The following ELP3 variants were observed in gnomAD, a reference collection of about 807,000 sequenced individuals.
ELP3 encodes the protein elongator acetyltransferase complex subunit 3, also known as elongator complex protein 3.
Under a neutral mutation model 74.9 loss-of-function variants are expected in ELP3, and 56 were observed. The observed-to-expected ratio is 0.75, with a 90% confidence interval of 0.60 to 0.93. The LOEUF (loss-of-function observed/expected upper bound fraction) is 0.93. Among genes scored for constraint, ELP3 ranks in the 40% least tolerant of loss-of-function variants. ELP3 has a pLI of 0.00. For missense variants in ELP3, 573 were observed against 686.5 expected (o/e 0.83, Z 1.85); for synonymous variants, 222 against 239.8 (o/e 0.93, Z 0.68).
At chr8:28,129,325 C>G (rs1239758864) in intron 7 of ELP3, 177 bp from the exon 8 acceptor site, 1 of 608,456 alleles carries the variant, frequency 1.6e-6, no homozygotes, top group Non-Finnish European at 2.9e-6. Flanking sequence ...TAATAGCATC[C>G]CCATGTGCAT....
intron 7 of ELP3, among the ~76,000 whole-genome samples, chr8:28,123,788 G>A (rs925552020): frequency 5.3e-5 from 8 of 151,448 alleles, no homozygotes; most frequent in Non-Finnish European, 1.0e-4. Flanking sequence ...ATGTCCTTCC[G>A]CATCCCTGGT....
intron 10 of ELP3, among the ~76,000 whole-genome samples, chr8:28,154,316 A>G (rs761701359): frequency 9.2e-5 from 14 of 152,206 alleles, no homozygotes; most frequent in Non-Finnish European, 1.5e-4. Context: ...ACAATGCTTT[A>G]GTATTCACTA....
chr8:28,183,056 C>T, intron 14 of ELP3: 6 of 446,794 alleles, frequency 1.3e-5, no homozygotes, highest in South Asian at 9.6e-5. Context: ...CAAGCAGTGT[C>T]CTCTGCCTTT....
intron 7 of ELP3, among the ~76,000 whole-genome samples, chr8:28,117,426 T>G (rs187736288): frequency 1.3e-5 from 2 of 152,310 alleles, no homozygotes; most frequent in African/African-American, 2.4e-5. Flanking sequence ...GATCATGATG[T>G]GTTTGTAGAA....
intron 7 of ELP3, among the ~76,000 whole-genome samples, chr8:28,126,703 A>G (rs1812590986): frequency 6.6e-6 from 1 of 152,206 alleles, no homozygotes; most frequent in African/African-American, 2.4e-5. Context: ...TAAATGATAC[A>G]GGGGGATCAT....
intron 5 of ELP3, 112 bp downstream of exon 5, chr8:28,108,088 T>G (rs1284831352): frequency 4.4e-6 from 4 of 901,552 alleles, no homozygotes; most frequent in Non-Finnish European, 6.7e-6. Flanking sequence ...TTTGTTTTTT[T>G]CTGATTTTAA....
In ELP3 at chr8:28,174,234, C is replaced by T. The variant is rs757754768; in HGVS notation, c.1567+12156C>T. Among the ~76,000 whole-genome samples the T allele has an allele frequency of 5.3e-5, 8 of 151,874 alleles. 1 individual carries two copies. The highest frequency in any genetic ancestry group is 3.9e-4 in the Admixed American group (6 of 15,270). On this transcript the variant is annotated intron_variant, in intron 14 of 14. Coordinates refer to ENST00000256398, the MANE Select transcript of ELP3 (RefSeq NM_018091.6). Reference sequence around the variant, plus strand: ...TTAATGTAGAACTATTTATTTCTCCCTTAAGTCCTGTCAAGTTTTGCTTCA... The same window carrying T: ...TTAATGTAGAACTATTTATTTCTCCTTTAAGTCCTGTCAAGTTTTGCTTCA...
At chr8:28,097,980 C>G (rs766686343) in intron 2 of ELP3, among the ~76,000 whole-genome samples, 12 of 152,166 alleles carry the variant, frequency 7.9e-5, no homozygotes, top group Non-Finnish European at 1.6e-4. Context: ...AGCCCATGTT[C>G]TTCTGTGCTG....
intron 3 of ELP3, among the ~76,000 whole-genome samples, chr8:28,103,039 G>A (rs928414518): frequency 1.1e-4 from 16 of 151,878 alleles, no homozygotes; most frequent in Admixed American, 3.3e-4. Flanking sequence ...GCATGGTGGC[G>A]GGCGCCTGTA....
At chr8:28,137,668 G>C in intron 9 of ELP3, 30 bp from the exon 10 acceptor site, 4 of 1,602,154 alleles carry the variant, frequency 2.5e-6, no homozygotes, top group Non-Finnish European at 1.7e-6. Flanking sequence ...ATAACTAATG[G>C]AGAAGTCATT....
Position 28,107,959 on chromosome 8 carries a change from T to G in ELP3, c.376T>G (p.Ser126Ala), listed in dbSNP as rs1375406708. 1.8e-5 allele frequency: 29 copies of G among 1,613,812 alleles called. No individual in the cohort carries two copies. The highest frequency in any genetic ancestry group is 2.5e-5 in the Non-Finnish European group (29 of 1,179,918). The stretch of plus-strand genomic sequence containing the variant: ...TTCTGATTTTGAGTATTCCACCCAG[T>G]CTTACACTGGCTATGAGGTACAGTA... ...PDSDFEYSTQ[S>A]YTGYEPTSMR... The change falls in exon 5 of 15, where the codon TCT becomes GCT. Residue 126 changes from serine to alanine, a missense_variant. Physicochemically the swap from Ser to Ala is moderately conservative, Grantham distance 99. Coordinates refer to ENST00000256398, the MANE Select transcript of ELP3 (RefSeq NM_018091.6).
In ELP3 at chr8:28,190,602, C is replaced by T. The variant is rs1023216876; in HGVS notation, c.*877C>T. 1.3e-5 allele frequency: 2 copies of T among 151,402 alleles called. No homozygotes were observed. The highest frequency in any genetic ancestry group is 2.4e-5 in the African/African-American group (1 of 41,124). 9.4% of individuals were successfully genotyped at this position (151,402 alleles called of 1,614,324 possible). The stretch of plus-strand genomic sequence containing the variant: ...TTTTTTTTTTTCTGAGAAAGTCTCG[C>T]TGTGTCACCCAGGCTGGAGTGCAGT... On this transcript the variant is annotated 3_prime_UTR_variant, in exon 15 of 15. Coordinates refer to ENST00000256398, the MANE Select transcript of ELP3 (RefSeq NM_018091.6).
chr8:28,152,145 G>C (rs554303003), intron 10 of ELP3, among the ~76,000 whole-genome samples: 1 of 152,200 alleles, frequency 6.6e-6, no homozygotes, highest in African/African-American at 2.4e-5. Flanking sequence ...CTCCAGCCCC[G>C]GGGCAGTAGT....
chr8:28,179,582 A>C (rs1046948837), intron 14 of ELP3, among the ~76,000 whole-genome samples: 1 of 152,086 alleles, frequency 6.6e-6, no homozygotes, highest in African/African-American at 2.4e-5. Flanking sequence ...CTATTATTAC[A>C]TTGTAATATA....
intron 10 of ELP3, among the ~76,000 whole-genome samples, chr8:28,148,715 T>A (rs1271842815): frequency 1.3e-5 from 2 of 152,226 alleles, no homozygotes; most frequent in Admixed American, 1.3e-4. Flanking sequence ...TTTAGCTCAT[T>A]GTTTTGATAA....
In ELP3 at chr8:28,099,921, C is replaced by T. The variant is rs200001470; in HGVS notation, c.213C>T (p.Val71=). 1.8e-4 allele frequency: 286 copies of T among 1,614,204 alleles called. No homozygotes were observed. Among genetic ancestry groups the T allele is most frequent in the Non-Finnish European group, 2.4e-4 (281 of 1,180,046 alleles). The change falls in exon 3 of 15, where the codon GTC becomes GTT. Residue 71 remains valine (V), a synonymous_variant. Transcript: ENST00000256398. ...IAAVPPQYRK[V]LMPKLKAKPI... is the part of the protein sequence containing the mutation. ...CCGTCCCTCCTCAGTATCGCAAGGT[C>T]TTGATGCCCAAGTTAAAGGCGAAAC...
intron 14 of ELP3, among the ~76,000 whole-genome samples, chr8:28,181,385 A>C (rs1815005519): frequency 1.3e-5 from 2 of 152,208 alleles, no homozygotes; most frequent in Non-Finnish European, 2.9e-5. Flanking sequence ...GTTACTGAAA[A>C]GTATCCCCCT....
chr8:28,103,042 C>T (rs938504548), intron 3 of ELP3, among the ~76,000 whole-genome samples: 23 of 151,798 alleles, frequency 1.5e-4, no homozygotes, highest in Admixed American at 9.8e-4. Context: ...TGGTGGCGGG[C>T]GCCTGTAATC....
In ELP3 at chr8:28,181,555, C is replaced by T. The variant is rs540185442; in HGVS notation, c.1568-8094C>T. Among the ~76,000 whole-genome samples, 8 of 152,288 alleles carry T rather than the reference C, an allele frequency of 5.3e-5. No homozygotes were observed. The South Asian group carries it at 1.2e-3, about 24-fold the overall frequency. ...TTTCATCTAATGAGTTATCAAAGGA[C>T]ATTGAAAAACTGGACACAGATACAG... is the stretch of plus-strand genomic sequence containing the variant. On this transcript the variant is annotated intron_variant, in intron 14 of 14. Coordinates refer to ENST00000256398, the MANE Select transcript of ELP3 (RefSeq NM_018091.6).
Sources: gnomAD v4.1 joint callset for allele counts (sites outside exome capture counted in the v4.1 genomes callset) on GRCh38, gnomAD v4.1.1 for gene constraint, MANE v1.5 for transcripts, NCBI Gene and HGNC (gene_info 2026-07-23, HGNC 2026-07-21) for gene names.